The following GMDS variants were observed in gnomAD, a reference collection of about 807,000 sequenced individuals.
GMDS encodes the protein GDP-mannose 4,6 dehydratase.
In GMDS, 20 loss-of-function variants were observed where a neutral mutation model predicts 49.9. That is an observed-to-expected ratio of 0.40 (90% CI 0.28 to 0.58). The LOEUF (loss-of-function observed/expected upper bound fraction) is 0.58. Ranked by LOEUF, GMDS falls within the 20% of genes least tolerant of loss-of-function variation. The probability of loss-of-function intolerance (pLI) is 0.42; values close to 1 mark genes in which losing one functional copy is unlikely to be tolerated. For missense variants in GMDS, 362 were observed against 481.4 expected (o/e 0.75, Z 2.32); for synonymous variants, 177 against 178.6 (o/e 0.99, Z 0.07).
At chr6:2,005,889 C>G (rs1159781148) in intron 4 of GMDS, among the ~76,000 whole-genome samples, 1 of 152,156 alleles carries the variant, frequency 6.6e-6, no homozygotes, top group Non-Finnish European at 1.5e-5. Flanking sequence ...TTTCTAATCA[C>G]TCCTAACCAG....
chr6:1,630,193 A>G (rs983260502), intron 9 of GMDS, among the ~76,000 whole-genome samples: 7 of 152,266 alleles, frequency 4.6e-5, no homozygotes, highest in African/African-American at 1.4e-4. Flanking sequence ...GATTTAAGCA[A>G]GTTAACTTCC....
chr6:1,934,072 T>C (rs1227370421), intron 6 of GMDS, among the ~76,000 whole-genome samples: 2 of 152,208 alleles, frequency 1.3e-5, no homozygotes, highest in Non-Finnish European at 2.9e-5. Flanking sequence ...GATGAAAGGG[T>C]CTAACTTCAT....
chr6:1,922,509 G>A (rs146549674), intron 7 of GMDS, among the ~76,000 whole-genome samples: 8 of 152,292 alleles, frequency 5.3e-5, no homozygotes, highest in Non-Finnish European at 1.0e-4. Context: ...ACGGCCCAAG[G>A]CGACAACTCT....
At chr6:1,958,101 T>C (rs1376356475) in intron 6 of GMDS, among the ~76,000 whole-genome samples, 3 of 146,660 alleles carry the variant, frequency 2.0e-5, no homozygotes. Context: ...GCACTGTGCC[T>C]GGCCTTAAAA....
intron 1 of GMDS, among the ~76,000 whole-genome samples, chr6:2,234,900 C>T (rs900569925): frequency 7.2e-5 from 11 of 152,152 alleles, no homozygotes; most frequent in East Asian, 1.9e-4. Context: ...CCAAGGTGGG[C>T]GGATCACCTG....
chr6:1,969,289 A>AAAAGAG (rs56095985), intron 4 of GMDS, among the ~76,000 whole-genome samples: 2 of 84,354 alleles, frequency 2.4e-5, no homozygotes, highest in Non-Finnish European at 2.3e-5. Flanking sequence ...AAAAAAAAAA[A>AAAAGAG]AGAGAAAGAA....
chr6:2,103,772 C>A (rs1297942718), intron 4 of GMDS, among the ~76,000 whole-genome samples: 1 of 152,190 alleles, frequency 6.6e-6, no homozygotes. Flanking sequence ...CTCGGAAGCA[C>A]ACACATATTA....
intron 9 of GMDS, among the ~76,000 whole-genome samples, chr6:1,699,341 A>G (rs1446416157): frequency 3.3e-5 from 5 of 151,936 alleles, no homozygotes; most frequent in East Asian, 3.9e-4. Context: ...TGTACAGGAG[A>G]TGGCCTGAGG....
intron 9 of GMDS, among the ~76,000 whole-genome samples, chr6:1,721,990 A>G (rs1766399813): frequency 2.7e-5 from 4 of 149,916 alleles, no homozygotes; most frequent in Admixed American, 1.3e-4. Context: ...TTGGCTGGTT[A>G]GTCTGCACAA....
intron 4 of GMDS, among the ~76,000 whole-genome samples, chr6:2,013,925 CATATAT>C (rs10523956): frequency 0.012 from 1,525 of 125,016 alleles, 48 homozygotes; most frequent in Middle Eastern, 0.026. Context: ...GGATAAAAAC[CATATAT>C]ATATATATAT....
At chr6:2,151,655 T>C (rs758480954) in intron 1 of GMDS, among the ~76,000 whole-genome samples, 1 of 152,084 alleles carries the variant, frequency 6.6e-6, no homozygotes, top group African/African-American at 2.4e-5. Context: ...TAACAAAATA[T>C]GCAAAAAACC....
At chr6:1,990,344 C>G (rs1195659160) in intron 4 of GMDS, among the ~76,000 whole-genome samples, 2 of 152,104 alleles carry the variant, frequency 1.3e-5, no homozygotes, top group African/African-American at 4.8e-5. Flanking sequence ...ACCACCACCA[C>G]CATCCCATCC....
intron 7 of GMDS, among the ~76,000 whole-genome samples, chr6:1,880,965 A>T (rs975448521): frequency 8.5e-5 from 13 of 152,326 alleles, no homozygotes; most frequent in Non-Finnish European, 1.6e-4. Context: ...TGAAATATTA[A>T]AGTAGAAATC....
chr6:1,629,817 G>A (rs1762946430), intron 9 of GMDS, among the ~76,000 whole-genome samples: 1 of 152,142 alleles, frequency 6.6e-6, no homozygotes, highest in Non-Finnish European at 1.5e-5. Context: ...TTGTCATTTG[G>A]GATCAGCGGC....
chr6:2,032,071 G>A (rs1342357131), intron 4 of GMDS, among the ~76,000 whole-genome samples: 3 of 152,170 alleles, frequency 2.0e-5, no homozygotes, highest in South Asian at 4.1e-4. Context: ...AAGAACAAGT[G>A]TAGAAGTTAG....
chr6:2,155,366 GAC>G (rs1777060840), intron 1 of GMDS, among the ~76,000 whole-genome samples: 1 of 152,108 alleles, frequency 6.6e-6, no homozygotes, highest in South Asian at 2.1e-4. Flanking sequence ...CAGAAAATTG[GAC>G]AGTTTCCAGA....
chr6:2,059,453 A>T (rs1444543114), intron 4 of GMDS, among the ~76,000 whole-genome samples: 1 of 151,374 alleles, frequency 6.6e-6, no homozygotes, highest in Admixed American at 6.6e-5. Context: ...TCACGCCTGT[A>T]ATCCCAGCAC....
intron 4 of GMDS, among the ~76,000 whole-genome samples, chr6:2,003,327 G>A (rs6900931): frequency 0.43 from 66,051 of 151,946 alleles, 14,510 homozygotes; most frequent in African/African-American, 0.49. Context: ...TTTGAGGTAA[G>A]GAGAGACCAC....
chr6:2,119,760 C>T (rs1339648959), intron 2 of GMDS, among the ~76,000 whole-genome samples: 1 of 152,122 alleles, frequency 6.6e-6, no homozygotes, highest in Non-Finnish European at 1.5e-5. Context: ...AAAATCATTA[C>T]AAAGTTATAG....
Sources: gnomAD v4.1 joint callset for allele counts (sites outside exome capture counted in the v4.1 genomes callset) on GRCh38, gnomAD v4.1.1 for gene constraint, MANE v1.5 for transcripts, NCBI Gene and HGNC (gene_info 2026-07-23, HGNC 2026-07-21) for gene names.